FBXO36: variants seen among roughly 807,000 people sequenced by gnomAD.
FBXO36 encodes F-box only protein 36.
Under a neutral mutation model 17.0 loss-of-function variants are expected in FBXO36, and 18 were observed. That is an observed-to-expected ratio of 1.06 (90% CI 0.73 to 1.57). The LOEUF is 1.57. FBXO36 is among the 40% of genes most tolerant of loss of function. The pLI, the probability that FBXO36 is intolerant of heterozygous loss-of-function variation, is 0.00. For missense variants in FBXO36, 229 were observed against 221.9 expected (o/e 1.03, Z -0.20); for synonymous variants, 83 against 85.3 (o/e 0.97, Z 0.15).
chr2:229,995,118 A>C (rs2077318409), intron 2 of FBXO36, among the ~76,000 whole-genome samples: 1 of 152,176 alleles, frequency 6.6e-6, no homozygotes, highest in African/African-American at 2.4e-5. Context: ...TGTCTCAAAA[A>C]AAAAAGAGGT....
chr2:229,966,557 A>G (rs2077154043), intron 1 of FBXO36, among the ~76,000 whole-genome samples: 1 of 152,144 alleles, frequency 6.6e-6, no homozygotes, highest in Non-Finnish European at 1.5e-5. Context: ...TTATTTTTGT[A>G]TAAGGTGTAA....
intron 3 of FBXO36, among the ~76,000 whole-genome samples, chr2:230,004,375 T>C (rs2077375575): frequency 6.6e-6 from 1 of 152,186 alleles, no homozygotes; most frequent in African/African-American, 2.4e-5. Flanking sequence ...TCCATATCAA[T>C]TTTGTTTATA....
At chr2:229,937,475 A>T (rs911533521) in intron 1 of FBXO36, among the ~76,000 whole-genome samples, 8 of 152,158 alleles carry the variant, frequency 5.3e-5, no homozygotes, top group South Asian at 4.1e-4. Context: ...AGCCTAGGTG[A>T]CAAGAGCAAA....
chr2:229,967,427 G>A (rs1271743842), intron 1 of FBXO36, among the ~76,000 whole-genome samples: 2 of 152,198 alleles, frequency 1.3e-5, no homozygotes, highest in Non-Finnish European at 2.9e-5. Flanking sequence ...GAATAGGAGT[G>A]GTGAGAGAGG....
chr2:229,931,959 T>C (rs1267178682), intron 1 of FBXO36, among the ~76,000 whole-genome samples: 18 of 148,404 alleles, frequency 1.2e-4, no homozygotes, highest in Non-Finnish European at 2.7e-4. Flanking sequence ...ATCTGTCACC[T>C]AAGCTGGAGT....
intron 1 of FBXO36, among the ~76,000 whole-genome samples, chr2:229,942,244 C>T (rs183318907): frequency 3.3e-5 from 5 of 152,286 alleles, no homozygotes; most frequent in East Asian, 1.9e-4. Flanking sequence ...CCTTCCCCCA[C>T]GCACCACAAC....
intron 2 of FBXO36, among the ~76,000 whole-genome samples, chr2:229,979,734 T>G (rs1041591135): frequency 6.6e-6 from 1 of 151,670 alleles, no homozygotes; most frequent in African/African-American, 2.4e-5. Context: ...AAAAAAAGTC[T>G]GCTGGATTGA....
chr2:230,009,683 G>T (rs186164658), intron 3 of FBXO36, among the ~76,000 whole-genome samples: 1 of 152,244 alleles, frequency 6.6e-6, no homozygotes, highest in Non-Finnish European at 1.5e-5. Flanking sequence ...GGTGGCTCAC[G>T]CCTGTAATCC....
chr2:229,923,834 T>C (rs1199810198), intron 1 of FBXO36, among the ~76,000 whole-genome samples: 3 of 149,756 alleles, frequency 2.0e-5, no homozygotes, highest in South Asian at 2.1e-4. Flanking sequence ...TTCTGTACTT[T>C]TTTTTTGGTG....
At chr2:229,949,267 C>T (rs1021562288) in intron 1 of FBXO36, among the ~76,000 whole-genome samples, 1 of 152,136 alleles carries the variant, frequency 6.6e-6, no homozygotes, top group Non-Finnish European at 1.5e-5. Context: ...TCAAGTGTAA[C>T]GTGTGCACGT....
chr2:230,002,498 C>T (rs970848045), intron 3 of FBXO36, among the ~76,000 whole-genome samples: 4 of 152,092 alleles, frequency 2.6e-5, no homozygotes, highest in African/African-American at 9.7e-5. Context: ...ATCCTTCCAC[C>T]TCAGCCTCCT....
At chr2:229,940,883 T>C (rs984365805) in intron 1 of FBXO36, among the ~76,000 whole-genome samples, 1 of 152,186 alleles carries the variant, frequency 6.6e-6, no homozygotes, top group Non-Finnish European at 1.5e-5. Context: ...GGTCCTTTGT[T>C]ATGACAGTCC....
At chr2:229,959,914 A>G (rs982391297) in intron 1 of FBXO36, among the ~76,000 whole-genome samples, 5 of 152,136 alleles carry the variant, frequency 3.3e-5, no homozygotes, top group Admixed American at 2.0e-4. Flanking sequence ...AGCAAAATGA[A>G]TAACTACCAT....
Position 229,964,575 on chromosome 2 carries a change from A to G in FBXO36, c.97-11666A>G, listed in dbSNP as rs116627711. Among the ~76,000 whole-genome samples, 1,083 of 152,316 alleles carry G rather than the reference A, an allele frequency of 7.1e-3. 13 individuals carry two copies. The highest frequency in any genetic ancestry group is 0.024 in the African/African-American group (1,007 of 41,564). On this transcript the variant is annotated intron_variant, in intron 1 of 3. Coordinates refer to ENST00000283946, the MANE Select transcript of FBXO36 (RefSeq NM_174899.5). Reference sequence around the variant, plus strand: ...CGCTCTGTCACCCAGGCTGAAGTGCAGTTGGTGCGATCTCGGCTTACCACA... The same window carrying G: ...CGCTCTGTCACCCAGGCTGAAGTGCGGTTGGTGCGATCTCGGCTTACCACA...
At chr2:229,942,952 C>T (rs1291133172) in intron 1 of FBXO36, 1 of 152,224 alleles carries the variant, frequency 6.6e-6, no homozygotes, top group African/African-American at 2.4e-5. Flanking sequence ...AAAGCCATGC[C>T]TCCCTCACCC....
chr2:229,940,737 A>G (rs1244500575), intron 1 of FBXO36, among the ~76,000 whole-genome samples: 1 of 152,220 alleles, frequency 6.6e-6, no homozygotes, highest in East Asian at 1.9e-4. Context: ...GATTTTCAGC[A>G]AACTAGCAGA....
chr2:229,950,923 ATTATT>A (rs370225121), intron 1 of FBXO36, among the ~76,000 whole-genome samples: 1 of 151,154 alleles, frequency 6.6e-6, no homozygotes, highest in Non-Finnish European at 1.5e-5. Context: ...TGCCCCACTA[ATTATT>A]TTATTTTATT....
intron 1 of FBXO36, among the ~76,000 whole-genome samples, chr2:229,953,194 C>T (rs540438099): frequency 1.3e-5 from 2 of 151,968 alleles, no homozygotes; most frequent in East Asian, 3.9e-4. Context: ...AAAAAATTAG[C>T]TGGACGTGGT....
At chr2:230,004,930 C>T (rs1192625527) in intron 3 of FBXO36, among the ~76,000 whole-genome samples, 1 of 152,044 alleles carries the variant, frequency 6.6e-6, no homozygotes, top group African/African-American at 2.4e-5. Context: ...CGCTTGAACC[C>T]AGAAGGCAGA....
Sources: gnomAD v4.1 joint callset for allele counts (sites outside exome capture counted in the v4.1 genomes callset) on GRCh38, gnomAD v4.1.1 for gene constraint, MANE v1.5 for transcripts, NCBI Gene and HGNC (gene_info 2026-07-23, HGNC 2026-07-21) for gene names.